Variants in NELL1 observed in about 807,000 individuals in gnomAD.
NELL1 encodes protein kinase C-binding protein NELL1.
Under a neutral mutation model 107.4 loss-of-function variants are expected in NELL1, and 76 were observed. The observed-to-expected ratio is 0.71, with a 90% CI of 0.59 to 0.86. The LOEUF (loss-of-function observed/expected upper bound fraction) is 0.86, where lower values mean the gene tolerates loss of function less well. Ranked by LOEUF, NELL1 falls within the 40% of genes least tolerant of loss-of-function variation. The pLI is 0.00. For missense variants in NELL1, 1,024 were observed against 1,005.5 expected (o/e 1.02, Z -0.25); for synonymous variants, 353 against 341.2 (o/e 1.03, Z -0.38).
At chr11:21,172,187 C>G (rs1856621870) in intron 13 of NELL1, among the ~76,000 whole-genome samples, 1 of 151,836 alleles carries the variant, frequency 6.6e-6, no homozygotes, top group South Asian at 2.1e-4. Flanking sequence ...CTATATGTCT[C>G]CTCAGCTCCT....
intron 15 of NELL1, among the ~76,000 whole-genome samples, chr11:21,522,652 T>C (rs978877983): frequency 6.6e-6 from 1 of 152,088 alleles, no homozygotes; most frequent in African/African-American, 2.4e-5. Flanking sequence ...AAGCCCTGAC[T>C]TCTCCACTAT....
chr11:21,209,858 A>C (rs1436426106), intron 13 of NELL1, among the ~76,000 whole-genome samples: 3 of 152,170 alleles, frequency 2.0e-5, no homozygotes, highest in Non-Finnish European at 2.9e-5. Context: ...TATCACCTCA[A>C]AGAAACTGAT....
intron 4 of NELL1, among the ~76,000 whole-genome samples, chr11:20,859,184 C>T (rs1848933998): frequency 1.3e-5 from 2 of 152,226 alleles, no homozygotes; most frequent in African/African-American, 4.8e-5. Context: ...CTTGCCCTGG[C>T]ATGCACCTCC....
intron 12 of NELL1, among the ~76,000 whole-genome samples, chr11:21,011,799 C>A (rs976146620): frequency 1.3e-5 from 2 of 152,074 alleles, no homozygotes; most frequent in Non-Finnish European, 2.9e-5. Flanking sequence ...CCTGTGAGCT[C>A]CCTCTCACTG....
At chr11:21,086,469 C>T (rs1854394246) in intron 12 of NELL1, among the ~76,000 whole-genome samples, 1 of 152,078 alleles carries the variant, frequency 6.6e-6, no homozygotes, top group Admixed American at 6.6e-5. Flanking sequence ...TTCAGGTCAT[C>T]AATATAGTAG....
intron 14 of NELL1, among the ~76,000 whole-genome samples, chr11:21,256,113 A>G (rs1858761689): frequency 6.6e-6 from 1 of 151,890 alleles, no homozygotes; most frequent in Non-Finnish European, 1.5e-5. Flanking sequence ...CTAGCATACC[A>G]TCTGGTCCAT....
intron 12 of NELL1, among the ~76,000 whole-genome samples, chr11:20,981,881 C>A (rs1478243096): frequency 6.6e-6 from 1 of 152,064 alleles, no homozygotes. Flanking sequence ...TCAGGAGTAG[C>A]CTTCAGGCAA....
At chr11:21,083,168 G>A (rs1355939066) in intron 12 of NELL1, among the ~76,000 whole-genome samples, 1 of 152,136 alleles carries the variant, frequency 6.6e-6, no homozygotes, top group Non-Finnish European at 1.5e-5. Context: ...TTTTTATGGG[G>A]CCATTGGTAG....
chr11:21,527,523 C>T (rs1855885263), intron 15 of NELL1, among the ~76,000 whole-genome samples: 1 of 152,102 alleles, frequency 6.6e-6, no homozygotes. Flanking sequence ...AGTCAGGGTT[C>T]TCTAAAGGGA....
chr11:21,009,541 A>G (rs554705920), intron 12 of NELL1, among the ~76,000 whole-genome samples: 5 of 152,148 alleles, frequency 3.3e-5, no homozygotes, highest in South Asian at 2.1e-4. Context: ...CCCAGAGCTC[A>G]CATGCAACGT....
intron 12 of NELL1, among the ~76,000 whole-genome samples, chr11:21,058,175 T>C (rs1853656104): frequency 6.6e-6 from 1 of 152,122 alleles, no homozygotes; most frequent in Non-Finnish European, 1.5e-5. Context: ...ATGGAAGGCA[T>C]ATGAAACAAA....
intron 13 of NELL1, among the ~76,000 whole-genome samples, chr11:21,177,078 G>C (rs77628188): frequency 6.6e-6 from 1 of 151,462 alleles, no homozygotes; most frequent in Non-Finnish European, 1.5e-5. Context: ...CTATCATCTC[G>C]CATACGTATC....
At chr11:20,822,803 T>G (rs1335303874) in intron 3 of NELL1, among the ~76,000 whole-genome samples, 1 of 152,164 alleles carries the variant, frequency 6.6e-6, no homozygotes. Flanking sequence ...GCTGGAAGAT[T>G]GGAGGTGGTA....
chr11:20,798,884 T>C (rs113101836), intron 3 of NELL1, among the ~76,000 whole-genome samples: 2,131 of 152,346 alleles, frequency 0.014, 61 homozygotes, highest in African/African-American at 0.048. Flanking sequence ...ATCTGTGGGC[T>C]AGGAACATTG....
At chr11:20,757,222 T>C (rs553157409) in intron 2 of NELL1, among the ~76,000 whole-genome samples, 29 of 152,222 alleles carry the variant, frequency 1.9e-4, no homozygotes, top group African/African-American at 6.5e-4. Context: ...TACCATTCAG[T>C]GACATTAATT....
chr11:21,377,663 T>A (rs937743289), intron 15 of NELL1, among the ~76,000 whole-genome samples: 1 of 152,080 alleles, frequency 6.6e-6, no homozygotes, highest in African/African-American at 2.4e-5. Flanking sequence ...TGAATCCATC[T>A]GGTCCAGGGC....
chr11:21,556,429 G>C (rs1305918790), intron 16 of NELL1, among the ~76,000 whole-genome samples: 2 of 152,026 alleles, frequency 1.3e-5, no homozygotes, highest in Non-Finnish European at 2.9e-5. Flanking sequence ...ACCTGTAGAA[G>C]TATTAGCTCC....
intron 15 of NELL1, among the ~76,000 whole-genome samples, chr11:21,458,305 TGATAATGTGTGTAAA>T (rs1853802411): frequency 6.6e-6 from 1 of 152,164 alleles, no homozygotes; most frequent in Non-Finnish European, 1.5e-5. Context: ...AAAAGCAATT[TGATAATGTGTGTAAA>T]GAGCCTGAAA....
chr11:20,728,186 C>T (rs769836677), intron 2 of NELL1, among the ~76,000 whole-genome samples: 29 of 151,872 alleles, frequency 1.9e-4, no homozygotes, highest in Admixed American at 5.3e-4. Flanking sequence ...GTTTAAGTTC[C>T]TAATAGATTC....
Sources: allele counts gnomAD v4.1 joint callset (sites outside exome capture counted in the v4.1 genomes callset), GRCh38; gene constraint gnomAD v4.1.1; transcripts MANE v1.5; gene names NCBI Gene and HGNC (gene_info 2026-07-23, HGNC 2026-07-21).